Variants in WDR7 observed in about 807,000 individuals in gnomAD.
The protein encoded by WDR7 is WD repeat-containing protein 7.
In WDR7, 46 loss-of-function variants were observed where a neutral mutation model predicts 169.4. The observed-to-expected ratio is 0.27, with a 90% CI of 0.21 to 0.35. The LOEUF (loss-of-function observed/expected upper bound fraction) is 0.35, where lower values mean the gene tolerates loss of function less well. WDR7 is among the 10% of genes least tolerant of loss of function. The pLI is 1.00. For synonymous variants in WDR7, 612 were observed against 666.8 expected, an observed-to-expected ratio of 0.92 and a Z score of 1.27; for missense variants, 1,534 against 1,859.3, an observed-to-expected ratio of 0.83 and a Z score of 3.22.
chr18:57,036,149 A>G, the WDR7 span: 1 of 152,298 alleles, frequency 6.6e-6, no homozygotes, highest in Non-Finnish European at 1.5e-5. Flanking sequence ...TTGTTCCACT[A>G]ATATTTCTGT....
chr18:56,889,679 A>C (rs186575571), intron 21 of WDR7, among the ~76,000 whole-genome samples: 1 of 152,332 alleles, frequency 6.6e-6, no homozygotes, highest in East Asian at 1.9e-4. Flanking sequence ...ACTCTAAAGC[A>C]GCATATTTTC....
At chr18:56,903,386 A>G (rs2046430123) in intron 21 of WDR7, among the ~76,000 whole-genome samples, 1 of 151,972 alleles carries the variant, frequency 6.6e-6, no homozygotes, top group East Asian at 1.9e-4. Flanking sequence ...GCCAATTGGT[A>G]TATTTGTTTT....
rs1161920780 is a variant in WDR7, at chr18:56,962,499, C to T, written c.4134C>T (p.Ala1378=). The change falls in exon 26 of 28, where the codon GCC becomes GCT. Residue 1378 remains alanine, a synonymous_variant. Coordinates refer to ENST00000254442, the MANE Select transcript of WDR7 (RefSeq NM_015285.3). ...IAVGARHGSV[A]LYDIRTGKCQ... ...TTGGAGCTCGCCATGGTTCAGTGGC[C>T]CTGTACGACATCCGGACTGGAAAAT... is the stretch of plus-strand genomic sequence containing the variant. 6.2e-7 allele frequency: 1 copy of T among 1,612,620 alleles called. No homozygotes were observed. The highest frequency in any genetic ancestry group is 2.2e-5 in the East Asian group (1 of 44,866).
intron 13 of WDR7, among the ~76,000 whole-genome samples, chr18:56,722,307 A>G (rs2026339751): frequency 6.6e-6 from 1 of 152,188 alleles, no homozygotes; most frequent in Admixed American, 6.5e-5. Context: ...TGTTACTAAA[A>G]TTGCTGAAGA....
intron 20 of WDR7, among the ~76,000 whole-genome samples, chr18:56,823,206 A>T (rs995161218): frequency 4.6e-5 from 7 of 152,136 alleles, no homozygotes; most frequent in Non-Finnish European, 1.0e-4. Context: ...TGTATCTCCA[A>T]CCTAGCCTTC....
chr18:56,768,856 A>C (rs28594721), intron 16 of WDR7, among the ~76,000 whole-genome samples: 2,097 of 152,324 alleles, frequency 0.014, 46 homozygotes, highest in African/African-American at 0.048. Flanking sequence ...ATCTATATGA[A>C]GTAAAGACTT....
intron 19 of WDR7, among the ~76,000 whole-genome samples, chr18:56,794,505 T>A (rs777644618): frequency 1.3e-5 from 2 of 151,668 alleles, no homozygotes; most frequent in Non-Finnish European, 2.9e-5. Flanking sequence ...GAGAAGGGGT[T>A]TCATTGTGCT....
intron 20 of WDR7, among the ~76,000 whole-genome samples, chr18:56,846,500 C>T (rs962155246): frequency 8.5e-5 from 13 of 152,178 alleles, no homozygotes; most frequent in African/African-American, 3.1e-4. Context: ...AAGTCCCTTT[C>T]ACTTCCCTCC....
intron 14 of WDR7, among the ~76,000 whole-genome samples, chr18:56,739,205 G>C (rs115926205): frequency 6.0e-4 from 91 of 151,090 alleles, no homozygotes; most frequent in African/African-American, 2.1e-3. Flanking sequence ...ATTTTTTCTT[G>C]GCCTCTTTCA....
intron 26 of WDR7, among the ~76,000 whole-genome samples, chr18:56,977,661 T>G (rs572167126): frequency 6.6e-6 from 1 of 152,340 alleles, no homozygotes; most frequent in South Asian, 2.1e-4. Flanking sequence ...AGAATATTCA[T>G]TAATGCAGAG....
At chr18:57,026,867 G>A in intron 27 of WDR7, 137 bp from the exon 28 acceptor site, 1 of 876,780 alleles carries the variant, frequency 1.1e-6, no homozygotes, top group East Asian at 2.5e-5. Flanking sequence ...GAACTTTTGA[G>A]AGGTTAAGAA....
At chr18:56,802,325 T>A (rs1030622204) in intron 19 of WDR7, among the ~76,000 whole-genome samples, 4 of 150,470 alleles carry the variant, frequency 2.7e-5, no homozygotes, top group African/African-American at 7.4e-5. Context: ...TTTTTTTTTT[T>A]AACCTTGGGT....
At chr18:56,905,976 ATTC>A (rs542122968) in intron 21 of WDR7, among the ~76,000 whole-genome samples, 297 of 152,338 alleles carry the variant, frequency 1.9e-3, no homozygotes, top group African/African-American at 6.8e-3. Flanking sequence ...ATGAAAGGAA[ATTC>A]TTCTTTATAA....
chr18:56,905,384 A>G (rs185251794), intron 21 of WDR7, among the ~76,000 whole-genome samples: 78 of 152,158 alleles, frequency 5.1e-4, no homozygotes, highest in African/African-American at 1.8e-3. Flanking sequence ...CCTGGCCTCA[A>G]GTGATCTGCC....
At position 56,916,561 on chromosome 18, in the gene WDR7, G is replaced by A. The variant is rs112820820; in HGVS notation, c.3527-7361G>A. Among the ~76,000 whole-genome samples the A allele has an allele frequency of 2.6e-3, 389 of 152,160 alleles. 1 individual carries two copies. The highest frequency in any genetic ancestry group is 9.1e-3 in the African/African-American group (378 of 41,512). On this transcript the variant is annotated intron_variant, in intron 21 of 27. Transcript: ENST00000254442. ...AATAAAAATTACAAATGGAAGGCTG[G>A]GAACGACGTCACTAGTTTTACAACT...
At chr18:56,742,262 G>T (rs2043630855) in intron 14 of WDR7, among the ~76,000 whole-genome samples, 1 of 152,272 alleles carries the variant, frequency 6.6e-6, no homozygotes, top group East Asian at 1.9e-4. Context: ...AATAGGGAGT[G>T]CTAGGTGGAT....
chr18:56,692,431 GTTTTTTTTGT>G (rs1387883093), intron 9 of WDR7, among the ~76,000 whole-genome samples: 14 of 61,864 alleles, frequency 2.3e-4, no homozygotes, highest in African/African-American at 5.3e-4. Flanking sequence ...TGAAAGCAGA[GTTTTTTTTGT>G]TTTTTTTTTT....
chr18:56,790,248 G>T (rs2044462913), intron 19 of WDR7, among the ~76,000 whole-genome samples: 1 of 152,144 alleles, frequency 6.6e-6, no homozygotes, highest in Non-Finnish European at 1.5e-5. Context: ...TTTTTATAGA[G>T]CAAAAAGCTG....
At chr18:56,845,308 AT>A (rs1402244869) in intron 20 of WDR7, among the ~76,000 whole-genome samples, 3 of 152,146 alleles carry the variant, frequency 2.0e-5, no homozygotes, top group Middle Eastern at 3.4e-3. Context: ...AACTTACTTT[AT>A]TTTTGGTATT....
Sources: gnomAD v4.1 joint callset for allele counts (sites outside exome capture counted in the v4.1 genomes callset) on GRCh38, gnomAD v4.1.1 for gene constraint, MANE v1.5 for transcripts, NCBI Gene and HGNC (gene_info 2026-07-23, HGNC 2026-07-21) for gene names.